Variants in FKTN observed in about 807,000 individuals in gnomAD.
The protein encoded by FKTN is ribitol-5-phosphate transferase FKTN.
Under a neutral mutation model 58.6 loss-of-function variants are expected in FKTN, and 47 were observed. The ratio of observed to expected loss-of-function variants is 0.80; its 90% CI spans 0.63 to 1.02. The LOEUF (loss-of-function observed/expected upper bound fraction) is 1.02, where lower values mean the gene tolerates loss of function less well. Among genes scored for constraint, FKTN ranks in the 50% least tolerant of loss-of-function variants. The pLI is 0.00. For synonymous variants in FKTN, 178 were observed against 191.9 expected, an observed-to-expected ratio of 0.93 and a Z score of 0.60; for missense variants, 516 against 537.3, an observed-to-expected ratio of 0.96 and a Z score of 0.39.
rs1834047857 is a variant in FKTN at position 105,636,537 on chromosome 9, T to C, written c.*1273T>C. The C allele has an allele frequency of 5.7e-6, 6 of 1,051,324 alleles. No homozygotes were observed. Among genetic ancestry groups the C allele is most frequent in the Non-Finnish European group, 7.0e-6 (6 of 859,938 alleles). 65.1% of individuals were successfully genotyped at this position (1,051,324 alleles called of 1,614,324 possible). Reference sequence around the variant, plus strand: ...ACTCTGGAATGCTTTAGTTTCCTTTTCCCCTCAAGATGTCTGAGTCAGCTA... The same window carrying C: ...ACTCTGGAATGCTTTAGTTTCCTTTCCCCCTCAAGATGTCTGAGTCAGCTA... On this transcript the variant is annotated 3_prime_UTR_variant, in exon 11 of 11. Transcript: ENST00000357998.
chr9:105,612,673 T>C (rs1033519354), intron 7 of FKTN, among the ~76,000 whole-genome samples: 1 of 152,140 alleles, frequency 6.6e-6, no homozygotes, highest in African/African-American at 2.4e-5. Flanking sequence ...TTCTGAGAAA[T>C]GGAATTTCTG....
chr9:105,595,414 G>A (rs1404776551), intron 3 of FKTN, among the ~76,000 whole-genome samples: 2 of 152,174 alleles, frequency 1.3e-5, no homozygotes, highest in Non-Finnish European at 2.9e-5. Context: ...AAATATAGCT[G>A]AGCTGTATTT....
At chr9:105,608,331 T>TA (rs1182121906) in intron 7 of FKTN, among the ~76,000 whole-genome samples, 1 of 152,158 alleles carries the variant, frequency 6.6e-6, no homozygotes, top group Non-Finnish European at 1.5e-5. Flanking sequence ...TTCATGAAAA[T>TA]ACAGTTTGTT....
At chr9:105,563,114 T>G (rs1294512634) in intron 1 of FKTN, among the ~76,000 whole-genome samples, 1 of 152,216 alleles carries the variant, frequency 6.6e-6, no homozygotes, top group Non-Finnish European at 1.5e-5. Context: ...TCTTTCATAC[T>G]AATACCTTCA....
In FKTN at chr9:105,636,649, ACTG is replaced by A. The variant is rs1469246521; in HGVS notation, c.*1388_*1390del. 1.6e-6 allele frequency: 2 copies of A among 1,248,548 alleles called. No individual in the cohort carries two copies. The highest frequency in any genetic ancestry group is 4.9e-5 in the Admixed American group (2 of 41,002). The allele number at this position is 1,248,548 out of a possible 1,614,324, so 77.3% of individuals were successfully genotyped here. A position where few individuals can be genotyped will look rare whatever the true frequency, so the allele number is the denominator to read the frequency against. On this transcript the variant is annotated 3_prime_UTR_variant, in exon 11 of 11. Transcript: ENST00000357998. The stretch of plus-strand genomic sequence containing the variant: ...AAAGGAAAATGTAGGCACAATAAGC[ACTG>A]CTATTTTTCTCTTTGTCTAGGAAAG...
chr9:105,572,778 C>A (rs908826892), intron 1 of FKTN, among the ~76,000 whole-genome samples: 7 of 152,146 alleles, frequency 4.6e-5, no homozygotes, highest in Admixed American at 4.6e-4. Context: ...AATGCTTTTC[C>A]CACTTGTTCT....
At chr9:105,573,190 G>A (rs1250221849) in intron 1 of FKTN, among the ~76,000 whole-genome samples, 2 of 151,646 alleles carry the variant, frequency 1.3e-5, no homozygotes, top group African/African-American at 2.4e-5. Flanking sequence ...AACTGAGATC[G>A]TGCCACTGCA....
In FKTN at chr9:105,639,327, T is replaced by C. The variant is rs1411958907; in HGVS notation, c.*4063T>C. ...ACTCAGGGAAGGCAATGTGTTGCCA[T>C]AAAAAGACCACAAGCTTTTGAGTTA... On this transcript the variant is annotated 3_prime_UTR_variant, in exon 11 of 11. Transcript: ENST00000357998. 1 of 972,896 alleles carries C rather than the reference T, an allele frequency of 1.0e-6. No homozygotes were observed. Among genetic ancestry groups the C allele is most frequent in the Non-Finnish European group, 1.2e-6 (1 of 818,578 alleles). 60.3% of individuals were successfully genotyped at this position (972,896 alleles called of 1,614,324 possible). A position where few individuals can be genotyped will look rare whatever the true frequency, so the allele number is the denominator to read the frequency against.
In FKTN at chr9:105,562,831, T is replaced by C. The variant is rs80226309; in HGVS notation, c.-181+4666T>C. ...GTTTCACTCTCTGATTCATACTATC[T>C]ATGCCTCACTCTTACTCCCCAATAT... On this transcript the variant is annotated intron_variant, in intron 1 of 10. Coordinates refer to ENST00000357998, the MANE Select transcript of FKTN (RefSeq NM_001079802.2). Among the ~76,000 whole-genome samples, 1,378 of 152,292 alleles carry C rather than the reference T, an allele frequency of 9.0e-3. 22 individuals carry two copies. The highest frequency in any genetic ancestry group is 0.032 in the African/African-American group (1,320 of 41,554).
At chr9:105,629,313 A>G (rs1833116609) in intron 10 of FKTN, among the ~76,000 whole-genome samples, 1 of 152,260 alleles carries the variant, frequency 6.6e-6, no homozygotes. Flanking sequence ...ACAGAGGGAT[A>G]TATGGGACCA....
At chr9:105,569,992 T>A (rs1258072153) in intron 1 of FKTN, among the ~76,000 whole-genome samples, 1 of 152,184 alleles carries the variant, frequency 6.6e-6, no homozygotes, top group Non-Finnish European at 1.5e-5. Flanking sequence ...AAATGTAACA[T>A]ATAAAAAGAA....
intron 9 of FKTN, 28 bp downstream of exon 9, chr9:105,618,120 ATAAG>A (rs777297548): frequency 6.3e-7 from 1 of 1,585,022 alleles, no homozygotes; most frequent in South Asian, 1.1e-5. Context: ...GCTTCATTTC[ATAAG>A]TAACATATCT....
rs1175468356 is a variant in FKTN, at chr9:105,638,287, C to T, written c.*3023C>T. On this transcript the variant is annotated 3_prime_UTR_variant, in exon 11 of 11. Coordinates refer to ENST00000357998, the MANE Select transcript of FKTN (RefSeq NM_001079802.2). ...AGGCTAAGTCTCAGGGTGTTTCTGC[C>T]GCTTAGTATCTTTTTGTTCAGATTG... 11 of 985,196 alleles carry T rather than the reference C, an allele frequency of 1.1e-5. No homozygotes were observed. The highest frequency in any genetic ancestry group is 4.7e-5 in the South Asian group (1 of 21,272). 61.0% of individuals were successfully genotyped at this position (985,196 alleles called of 1,614,324 possible).
At position 105,638,251 on chromosome 9, in the gene FKTN, G is replaced by A. The variant is rs1834183589; in HGVS notation, c.*2987G>A. On this transcript the variant is annotated 3_prime_UTR_variant, in exon 11 of 11. Transcript: ENST00000357998. ...AGATGCTTAACAGAGAAGGCATCCA[G>A]TGCTTCATTGAGGCTAAGTCTCAGG... 2.0e-6 allele frequency: 2 copies of A among 985,274 alleles called. No individual in the cohort carries two copies. The highest frequency in any genetic ancestry group is 2.4e-6 in the Non-Finnish European group (2 of 829,910). 61.0% of individuals were successfully genotyped at this position (985,274 alleles called of 1,614,324 possible).
intron 10 of FKTN, among the ~76,000 whole-genome samples, chr9:105,627,068 G>A (rs576037876): frequency 6.6e-6 from 1 of 150,732 alleles, no homozygotes; most frequent in Non-Finnish European, 1.5e-5. Context: ...CACCTCCCAG[G>A]TTCAAGCAGT....
At chr9:105,627,938 G>A (rs184635154) in intron 10 of FKTN, among the ~76,000 whole-genome samples, 1 of 152,276 alleles carries the variant, frequency 6.6e-6, no homozygotes, top group Admixed American at 6.5e-5. Context: ...GTGACACTGG[G>A]TTGATGACTT....
At chr9:105,572,947 G>A (rs796411117) in intron 1 of FKTN, among the ~76,000 whole-genome samples, 1 of 152,230 alleles carries the variant, frequency 6.6e-6, no homozygotes, top group African/African-American at 2.4e-5. Flanking sequence ...TAGAAAAGTA[G>A]ATGAGGACTG....
chr9:105,574,040 G>A (rs1481761069), intron 2 of FKTN, among the ~76,000 whole-genome samples: 1 of 152,134 alleles, frequency 6.6e-6, no homozygotes, highest in African/African-American at 2.4e-5. Context: ...TGGATTGGCA[G>A]GGAACATTGT....
Position 105,635,740 on chromosome 9 carries a change from T to C in FKTN, c.*476T>C. 1 of 1,018,456 alleles carries C rather than the reference T, an allele frequency of 9.8e-7. No individual in the cohort carries two copies. The highest frequency in any genetic ancestry group is 4.0e-5 in the South Asian group (1 of 25,174). 63.1% of individuals were successfully genotyped at this position (1,018,456 alleles called of 1,614,324 possible). On this transcript the variant is annotated 3_prime_UTR_variant, in exon 11 of 11. Coordinates refer to ENST00000357998, the MANE Select transcript of FKTN (RefSeq NM_001079802.2). Reference sequence around the variant, plus strand: ...TACTTTTAAGATTGTGGAGTCTGAGTTAATATTCAAGTGATCAGACTTTGA... The same window carrying C: ...TACTTTTAAGATTGTGGAGTCTGAGCTAATATTCAAGTGATCAGACTTTGA...
Sources: allele counts gnomAD v4.1 joint callset (sites outside exome capture counted in the v4.1 genomes callset), GRCh38; gene constraint gnomAD v4.1.1; transcripts MANE v1.5; gene names NCBI Gene and HGNC (gene_info 2026-07-23, HGNC 2026-07-21).